The following CYB5B variants were observed in gnomAD, a reference collection of about 807,000 sequenced individuals.
CYB5B encodes cytochrome b5 type B (outer mitochondrial membrane).
Under a neutral mutation model 21.3 loss-of-function variants are expected in CYB5B, and 14 were observed. The ratio of observed to expected loss-of-function variants is 0.66; its 90% CI spans 0.43 to 1.03. The LOEUF (loss-of-function observed/expected upper bound fraction) is 1.03. CYB5B is among the 50% of genes least tolerant of loss of function. CYB5B has a pLI of 0.00. For missense variants in CYB5B, 166 were observed against 185.1 expected (o/e 0.90, Z 0.60); for synonymous variants, 69 against 68.4 (o/e 1.01, Z -0.04).
At chr16:69,443,704 A>C (rs2014848625) in intron 1 of CYB5B, 1 of 152,384 alleles carries the variant, frequency 6.6e-6, no homozygotes, top group African/African-American at 2.4e-5. Flanking sequence ...AAAACACAAA[A>C]ATTAGCTGGG....
At chr16:69,428,571 A>C (rs1402743747) in intron 1 of CYB5B, among the ~76,000 whole-genome samples, 2 of 152,048 alleles carry the variant, frequency 1.3e-5, no homozygotes, top group African/African-American at 4.8e-5. Context: ...CAGGAGAATC[A>C]CTTGAACCCA....
chr16:69,455,129 C>T (rs1951142428), intron 3 of CYB5B, among the ~76,000 whole-genome samples: 1 of 152,132 alleles, frequency 6.6e-6, no homozygotes, highest in African/African-American at 2.4e-5. Flanking sequence ...CTCCTGACCT[C>T]ATGATCCGCC....
chr16:69,456,142 A>G (rs139986406), intron 3 of CYB5B, among the ~76,000 whole-genome samples: 16 of 152,090 alleles, frequency 1.1e-4, no homozygotes, highest in Non-Finnish European at 1.9e-4. Context: ...GTATATAAAT[A>G]TATTTATTTA....
At chr16:69,447,757 G>A (rs1429633317) in intron 2 of CYB5B, among the ~76,000 whole-genome samples, 1 of 152,044 alleles carries the variant, frequency 6.6e-6, no homozygotes, top group Non-Finnish European at 1.5e-5. Context: ...TCTTTGCCAG[G>A]TAGCACATGT....
chr16:69,447,079 G>C, intron 1 of CYB5B, 71 bp from the exon 2 acceptor site: 1 of 1,547,316 alleles, frequency 6.5e-7, no homozygotes, highest in Non-Finnish European at 8.8e-7. Flanking sequence ...GGAAGAAGGG[G>C]GTATGGGAAA....
intron 3 of CYB5B, chr16:69,449,559 T>C (rs941234325): frequency 3.9e-5 from 6 of 152,238 alleles, no homozygotes; most frequent in African/African-American, 1.4e-4. Flanking sequence ...AGATTGCTTC[T>C]TGTTGCTGTT....
At chr16:69,459,144 T>G (rs756477053) in intron 4 of CYB5B, 23 bp downstream of exon 4, 6 of 1,605,112 alleles carry the variant, frequency 3.7e-6, no homozygotes, top group Non-Finnish European at 5.1e-6. Flanking sequence ...TTAACAGCTT[T>G]CCATACGTTC....
At chr16:69,441,147 T>TTC (rs71151108) in intron 1 of CYB5B, among the ~76,000 whole-genome samples, 22,844 of 145,112 alleles carry the variant, frequency 0.16, 1,967 homozygotes, top group Middle Eastern at 0.24. Flanking sequence ...CCAGTTTTAC[T>TTC]TCTCTCTTTT....
rs1177477931 is a variant in CYB5B at position 69,462,416 on chromosome 16, C to T, written c.363-14C>T. On this transcript the variant is annotated splice_polypyrimidine_tract_variant and intron_variant, in intron 4 of 4. Coordinates refer to ENST00000307892, the MANE Select transcript of CYB5B (RefSeq NM_030579.3). ...AATATTAACAACTTTATTGCTTTCTCCCCCTATTCCTAGTTGCTGGGCATA... is the reference window on the plus strand; with the variant it reads ...AATATTAACAACTTTATTGCTTTCTTCCCCTATTCCTAGTTGCTGGGCATA... The T allele has an allele frequency of 2.5e-6, 4 of 1,595,202 alleles. No homozygotes were observed. The highest frequency in any genetic ancestry group is 3.3e-5 in the Admixed American group (2 of 59,968).
chr16:69,435,920 G>A (rs1282857991), intron 1 of CYB5B, among the ~76,000 whole-genome samples: 4 of 152,168 alleles, frequency 2.6e-5, no homozygotes, highest in South Asian at 4.1e-4. Context: ...TTACAGAAGC[G>A]AGCCACTGTG....
intron 3 of CYB5B, among the ~76,000 whole-genome samples, chr16:69,452,569 A>G (rs527719340): frequency 6.6e-6 from 1 of 151,948 alleles, no homozygotes; most frequent in Non-Finnish European, 1.5e-5. Context: ...ACATGGGAGG[A>G]TGAGGCGGTA....
chr16:69,447,129 G>A, intron 1 of CYB5B, 21 bp from the exon 2 acceptor site: 1 of 1,612,592 alleles, frequency 6.2e-7, no homozygotes, highest in Middle Eastern at 1.7e-4. Context: ...CCTCGGTTCA[G>A]TAAATATCTT....
chr16:69,463,693 G>T lies in CYB5B; in HGVS notation c.*1173G>T, dbSNP rs1280912725. ...TCCATATAAAATGGTATTTGAAAGTGAGAGTTCATGACAACAGACCGTTTT... is the reference window on the plus strand; with the variant it reads ...TCCATATAAAATGGTATTTGAAAGTTAGAGTTCATGACAACAGACCGTTTT... On this transcript the variant is annotated 3_prime_UTR_variant, in exon 5 of 5. Coordinates refer to ENST00000307892, the MANE Select transcript of CYB5B (RefSeq NM_030579.3). 2 of 152,120 alleles carry T rather than the reference G, an allele frequency of 1.3e-5. No homozygotes were observed. The highest frequency in any genetic ancestry group is 2.9e-5 in the Non-Finnish European group (2 of 68,026). 9.4% of individuals were successfully genotyped at this position (152,120 alleles called of 1,614,324 possible).
At chr16:69,429,109 G>C (rs1276666274) in intron 1 of CYB5B, among the ~76,000 whole-genome samples, 1 of 152,202 alleles carries the variant, frequency 6.6e-6, no homozygotes, top group Non-Finnish European at 1.5e-5. Flanking sequence ...ACTGAAGGAA[G>C]AGTGTGTCTG....
intron 4 of CYB5B, 84 bp downstream of exon 4, chr16:69,459,205 A>G: frequency 6.7e-7 from 1 of 1,486,800 alleles, no homozygotes; most frequent in East Asian, 2.4e-5. Flanking sequence ...ATGTAACATA[A>G]CTTATGAGTG....
chr16:69,447,380 A>G (rs2014888478), intron 2 of CYB5B, 102 bp downstream of exon 2: 1 of 1,475,308 alleles, frequency 6.8e-7, no homozygotes. Context: ...GGTGGCTCAC[A>G]CCTGTCATCC....
chr16:69,462,581 G>C lies in CYB5B; in HGVS notation c.*61G>C. Reference sequence around the variant, plus strand: ...TGGGGCGAAAACTAGAGACTTGCTTGGGGGCTGCAGAAGTGCCCTCTCCTC... The same window carrying C: ...TGGGGCGAAAACTAGAGACTTGCTTCGGGGCTGCAGAAGTGCCCTCTCCTC... On this transcript the variant is annotated 3_prime_UTR_variant, in exon 5 of 5. Coordinates refer to ENST00000307892, the MANE Select transcript of CYB5B (RefSeq NM_030579.3). 7.1e-7 allele frequency: 1 copy of C among 1,413,052 alleles called. No homozygotes were observed. Among genetic ancestry groups the C allele is most frequent in the Non-Finnish European group, 1.0e-6 (1 of 1,003,380 alleles). 87.5% of individuals were successfully genotyped at this position (1,413,052 alleles called of 1,614,324 possible).
At chr16:69,451,976 T>G (rs2014937759) in intron 3 of CYB5B, among the ~76,000 whole-genome samples, 1 of 146,160 alleles carries the variant, frequency 6.8e-6, no homozygotes, top group African/African-American at 2.5e-5. Context: ...CCCTCGTATA[T>G]CCAGCTCTGA....
chr16:69,442,376 C>T (rs889158450), intron 1 of CYB5B, among the ~76,000 whole-genome samples: 7 of 152,080 alleles, frequency 4.6e-5, no homozygotes, highest in African/African-American at 1.7e-4. Flanking sequence ...TTTTAAATGG[C>T]TCTTTCCCTG....
Sources: allele counts gnomAD v4.1 joint callset (sites outside exome capture counted in the v4.1 genomes callset), GRCh38; gene constraint gnomAD v4.1.1; transcripts MANE v1.5; gene names NCBI Gene and HGNC (gene_info 2026-07-23, HGNC 2026-07-21).